Variants in ARFGEF2 observed in about 807,000 individuals in gnomAD.
ARFGEF2 encodes ARF guanine nucleotide exchange factor 2, also known as brefeldin A-inhibited guanine nucleotide-exchange protein 2.
ARFGEF2 carries 74 observed loss-of-function variants against 219.9 expected under a neutral mutation model. The ratio of observed to expected loss-of-function variants is 0.34; its 90% CI spans 0.28 to 0.41. ARFGEF2 has a LOEUF of 0.41. Among genes scored for constraint, ARFGEF2 ranks in the 10% least tolerant of loss-of-function variants. ARFGEF2 has a pLI of 1.00. For missense variants in ARFGEF2, 1,743 were observed against 2,218.3 expected (o/e 0.79, Z 4.30); for synonymous variants, 733 against 799.2 (o/e 0.92, Z 1.40).
intron 37 of ARFGEF2, among the ~76,000 whole-genome samples, chr20:49,029,306 A>G (rs942668209): frequency 1.3e-5 from 2 of 152,004 alleles, no homozygotes; most frequent in African/African-American, 4.8e-5. Flanking sequence ...GTAAGAATGC[A>G]CTCTCCTGCG....
chr20:48,988,535 G>A lies in ARFGEF2; in HGVS notation c.2406G>A (p.Arg802=), dbSNP rs756651881. 26 of 1,613,358 alleles carry A rather than the reference G, an allele frequency of 1.6e-5. No homozygotes were observed. Among genetic ancestry groups the A allele is most frequent in the Non-Finnish European group, 2.0e-5 (24 of 1,179,682 alleles). ...AAGAGCAGTATATTAAAATGAATCG[G>A]GGTATCAATGATAGTAAAGATCTGC... ...MTKEQYIKMN[R]GINDSKDLPE... is the part of the protein sequence containing the mutation. Residue 802 remains arginine (R), a synonymous_variant, in exon 18 of 39, where the codon CGG becomes CGA. Transcript: ENST00000371917.
At chr20:48,948,874 A>T (rs1274025559) in intron 3 of ARFGEF2, among the ~76,000 whole-genome samples, 1 of 152,128 alleles carries the variant, frequency 6.6e-6, no homozygotes, top group African/African-American at 2.4e-5. Context: ...TACCTGGGGG[A>T]TAGTGGGAGA....
At chr20:48,991,729 G>A (rs181673039) in intron 21 of ARFGEF2, among the ~76,000 whole-genome samples, 8 of 152,244 alleles carry the variant, frequency 5.3e-5, no homozygotes, top group African/African-American at 1.9e-4. Context: ...AAAAGTTTGG[G>A]TTAAAAAGAG....
chr20:48,946,477 T>TTATATATA (rs35152962), intron 3 of ARFGEF2, among the ~76,000 whole-genome samples: 10 of 145,226 alleles, frequency 6.9e-5, no homozygotes, highest in South Asian at 6.4e-4. Context: ...CATATCAATT[T>TTATATATA]TATATATATA....
intron 27 of ARFGEF2, 57 bp downstream of exon 27, chr20:49,010,461 C>G: frequency 6.3e-7 from 1 of 1,591,876 alleles, no homozygotes; most frequent in South Asian, 1.1e-5. Context: ...AGAAGAGTGT[C>G]ACTTGCTGTC....
At chr20:48,964,856 G>C (rs1159716940) in intron 7 of ARFGEF2, among the ~76,000 whole-genome samples, 1 of 152,114 alleles carries the variant, frequency 6.6e-6, no homozygotes, top group Non-Finnish European at 1.5e-5. Flanking sequence ...ATGAAAGAGA[G>C]TAAAATGAAA....
At chr20:48,988,720 C>A in intron 18 of ARFGEF2, 58 bp downstream of exon 18, 1 of 1,487,262 alleles carries the variant, frequency 6.7e-7, no homozygotes, top group Non-Finnish European at 9.3e-7. Context: ...TATCAGAATG[C>A]ATGATTAAAT....
intron 36 of ARFGEF2, among the ~76,000 whole-genome samples, chr20:49,026,063 G>A (rs1416814218): frequency 3.3e-5 from 5 of 151,900 alleles, no homozygotes; most frequent in Admixed American, 6.6e-5. Flanking sequence ...GGCTGGGTGC[G>A]GTGGCTCACG....
intron 30 of ARFGEF2, among the ~76,000 whole-genome samples, chr20:49,015,953 A>G (rs1372804994): frequency 6.6e-6 from 1 of 152,208 alleles, no homozygotes; most frequent in Non-Finnish European, 1.5e-5. Context: ...ATAATGTAGC[A>G]TATGCATACA....
Position 49,010,248 on chromosome 20 carries a change from G to A in ARFGEF2, c.3601G>A (p.Asp1201Asn), listed in dbSNP as rs775447075. The change falls in exon 27 of 39, where the codon GAC (aspartate) becomes AAC (asparagine). Residue 1201 changes from aspartate to asparagine, a missense_variant. Physicochemically the swap from Asp to Asn is conservative, Grantham distance 23 (BLOSUM62 1). This residue lies in a region of ARFGEF2 where 102 missense variants were observed against 146.8 expected (regional missense o/e 0.69). Coordinates refer to ENST00000371917, the MANE Select transcript of ARFGEF2 (RefSeq NM_006420.3). ...MKKNRSPTIR[D>N]MAIRCIAQMV... Reference sequence around the variant, plus strand: ...TTTCCTCAGGTCTCCCACCATCCGGGACATGGCGATCCGCTGCATTGCCCA... The same window carrying A: ...TTTCCTCAGGTCTCCCACCATCCGGAACATGGCGATCCGCTGCATTGCCCA... 1 of 1,614,100 alleles carries A rather than the reference G, an allele frequency of 6.2e-7. No homozygotes were observed. The highest frequency in any genetic ancestry group is 2.2e-5 in the East Asian group (1 of 44,890).
intron 1 of ARFGEF2, among the ~76,000 whole-genome samples, chr20:48,933,094 A>T (rs2090923117): frequency 6.6e-6 from 1 of 152,194 alleles, no homozygotes; most frequent in African/African-American, 2.4e-5. Flanking sequence ...GAGCGGTAAC[A>T]TCCAGAAAGG....
At chr20:48,959,663 G>T (rs1339277646) in intron 6 of ARFGEF2, among the ~76,000 whole-genome samples, 1 of 141,262 alleles carries the variant, frequency 7.1e-6, no homozygotes, top group Non-Finnish European at 1.5e-5. Flanking sequence ...AGGCTGGAGT[G>T]CAGTGGCGCA....
intron 2 of ARFGEF2, 116 bp from the exon 3 acceptor site, chr20:48,941,748 C>T: frequency 6.8e-7 from 1 of 1,479,678 alleles, no homozygotes; most frequent in African/African-American, 1.4e-5. Context: ...TAATGCCTAG[C>T]CCCAGGATAT....
intron 6 of ARFGEF2, among the ~76,000 whole-genome samples, chr20:48,958,379 C>A (rs1174206526): frequency 2.0e-5 from 3 of 152,102 alleles, no homozygotes; most frequent in Non-Finnish European, 4.4e-5. Context: ...GCTCCAGAGC[C>A]CTCGCTGTTA....
intron 8 of ARFGEF2, 45 bp from the exon 9 acceptor site, chr20:48,969,102 A>G (rs753367446): frequency 6.2e-6 from 10 of 1,600,478 alleles, no homozygotes; most frequent in Non-Finnish European, 7.7e-6. Context: ...CTGGGACTAC[A>G]GGTGGGTGCC....
intron 34 of ARFGEF2, among the ~76,000 whole-genome samples, chr20:49,022,724 T>C (rs1333252326): frequency 6.6e-6 from 1 of 152,232 alleles, no homozygotes; most frequent in African/African-American, 2.4e-5. Flanking sequence ...ATATTTAATA[T>C]ATAATATTCT....
At chr20:49,014,686 G>A (rs1244300896) in intron 30 of ARFGEF2, among the ~76,000 whole-genome samples, 1 of 152,138 alleles carries the variant, frequency 6.6e-6, no homozygotes, top group Non-Finnish European at 1.5e-5. Flanking sequence ...AGCATTTTGG[G>A]AAGGTGAGGT....
At chr20:49,032,247 T>A in intron 38 of ARFGEF2, 81 bp downstream of exon 38, 1 of 978,402 alleles carries the variant, frequency 1.0e-6, no homozygotes, top group Non-Finnish European at 1.6e-6. Context: ...TTGCAGTAAC[T>A]ATTTTCTCAG....
At chr20:48,952,375 T>C (rs1410030665) in intron 4 of ARFGEF2, among the ~76,000 whole-genome samples, 1 of 152,054 alleles carries the variant, frequency 6.6e-6, no homozygotes, top group African/African-American at 2.4e-5. Context: ...AGGCTGGTCT[T>C]GAACTCGTGA....
Sources: gnomAD v4.1 joint callset for allele counts (sites outside exome capture counted in the v4.1 genomes callset) on GRCh38, gnomAD v4.1.1 for gene constraint, gnomAD v4.1.1 regional missense constraint, MANE v1.5 for transcripts, NCBI Gene and HGNC (gene_info 2026-07-23, HGNC 2026-07-21) for gene names.